Variants in LYN observed in about 807,000 individuals in gnomAD.
The protein encoded by LYN is tyrosine-protein kinase Lyn.
In LYN, 12 loss-of-function variants were observed where a neutral mutation model predicts 65.0. The observed-to-expected ratio is 0.18, with a 90% CI of 0.12 to 0.30. LYN has a LOEUF of 0.30. LYN is among the 10% of genes least tolerant of loss of function. The pLI, the probability that LYN is intolerant of heterozygous loss-of-function variation, is 1.00. For synonymous variants in LYN, 222 were observed against 221.2 expected (o/e 1.00, Z -0.03); for missense variants, 380 against 623.2 (o/e 0.61, Z 4.16).
At chr8:55,929,592 CT>C (rs374086130) in intron 1 of LYN, among the ~76,000 whole-genome samples, 3 of 152,256 alleles carry the variant, frequency 2.0e-5, no homozygotes, top group Non-Finnish European at 4.4e-5. Flanking sequence ...ATCAGATTTC[CT>C]GGCATGAAGC....
At chr8:55,951,364 T>A (rs1462016518) in intron 6 of LYN, among the ~76,000 whole-genome samples, 1 of 151,818 alleles carries the variant, frequency 6.6e-6, no homozygotes, top group East Asian at 1.9e-4. Context: ...AATCCTGAAG[T>A]TTTAAGACAA....
At chr8:55,944,957 C>A (rs909515420) in intron 2 of LYN, among the ~76,000 whole-genome samples, 1 of 152,296 alleles carries the variant, frequency 6.6e-6, no homozygotes, top group Admixed American at 6.5e-5. Context: ...CTCCTGTATA[C>A]CATTTTTTGC....
intron 1 of LYN, among the ~76,000 whole-genome samples, chr8:55,886,368 T>G (rs1804794464): frequency 6.6e-6 from 1 of 151,642 alleles, no homozygotes; most frequent in African/African-American, 2.4e-5. Flanking sequence ...GCCTCCCGAG[T>G]AGCTGGGATT....
chr8:55,951,174 G>A (rs1303964786), intron 6 of LYN, among the ~76,000 whole-genome samples: 7 of 152,032 alleles, frequency 4.6e-5, no homozygotes, highest in African/African-American at 1.7e-4. Context: ...ACCCAGGGAA[G>A]GGAGGCTGCA....
chr8:56,007,653 G>A (rs1046338800), intron 12 of LYN, among the ~76,000 whole-genome samples: 3 of 152,134 alleles, frequency 2.0e-5, no homozygotes, highest in Non-Finnish European at 2.9e-5. Flanking sequence ...GATGAAAAAA[G>A]GTAAGTTAAA....
chr8:55,888,399 C>T (rs183064917), intron 1 of LYN, among the ~76,000 whole-genome samples: 25 of 152,240 alleles, frequency 1.6e-4, no homozygotes, highest in African/African-American at 5.5e-4. Flanking sequence ...ATGGCATTAA[C>T]GAAGGGGAAT....
At chr8:55,993,763 A>C (rs1480128634) in intron 10 of LYN, among the ~76,000 whole-genome samples, 1 of 152,196 alleles carries the variant, frequency 6.6e-6, no homozygotes, top group African/African-American at 2.4e-5. Flanking sequence ...CTACCCACCT[A>C]CCTATCATCA....
chr8:55,899,292 ATAT>A (rs1805196601), intron 1 of LYN, among the ~76,000 whole-genome samples: 1 of 152,190 alleles, frequency 6.6e-6, no homozygotes, highest in South Asian at 2.1e-4. Flanking sequence ...GGGATAATAA[ATAT>A]TATGCTCACT....
At chr8:55,927,260 G>A (rs929388870) in intron 1 of LYN, among the ~76,000 whole-genome samples, 1 of 151,954 alleles carries the variant, frequency 6.6e-6, no homozygotes, top group Non-Finnish European at 1.5e-5. Flanking sequence ...CTCTATTCCC[G>A]AAACCTCTGG....
intron 10 of LYN, among the ~76,000 whole-genome samples, chr8:55,980,893 T>A (rs1006093865): frequency 6.6e-6 from 1 of 152,228 alleles, no homozygotes; most frequent in African/African-American, 2.4e-5. Context: ...AACTCTTTCA[T>A]CTTCCCAGAC....
At chr8:55,907,125 A>G (rs764255244) in intron 1 of LYN, among the ~76,000 whole-genome samples, 9 of 152,138 alleles carry the variant, frequency 5.9e-5, no homozygotes, top group South Asian at 2.1e-4. Context: ...ACAAAAAGAC[A>G]TGTCCAGTTC....
chr8:55,920,690 A>G (rs1805920804), intron 1 of LYN, among the ~76,000 whole-genome samples: 1 of 151,672 alleles, frequency 6.6e-6, no homozygotes, highest in Non-Finnish European at 1.5e-5. Flanking sequence ...TTTTTTTTTG[A>G]GACAGTATCT....
At chr8:55,960,572 T>C (rs530440962) in intron 8 of LYN, among the ~76,000 whole-genome samples, 1 of 152,314 alleles carries the variant, frequency 6.6e-6, no homozygotes, top group Non-Finnish European at 1.5e-5. Context: ...TGATTTTATG[T>C]TACAAATAGA....
intron 1 of LYN, among the ~76,000 whole-genome samples, chr8:55,898,301 T>C (rs1381201233): frequency 1.3e-5 from 2 of 152,208 alleles, no homozygotes; most frequent in East Asian, 3.8e-4. Context: ...CTTTTAATTT[T>C]GTTTTGAGAC....
At chr8:55,990,020 C>G (rs1376091608) in intron 10 of LYN, among the ~76,000 whole-genome samples, 1 of 151,986 alleles carries the variant, frequency 6.6e-6, no homozygotes, top group African/African-American at 2.4e-5. Context: ...GGGTGGATCA[C>G]CTGAGGTCAG....
At chr8:55,985,954 C>T (rs1264748098) in intron 10 of LYN, among the ~76,000 whole-genome samples, 2 of 152,086 alleles carry the variant, frequency 1.3e-5, no homozygotes, top group African/African-American at 4.8e-5. Flanking sequence ...ATCAGTTGAA[C>T]CCAGGAGTTC....
intron 10 of LYN, among the ~76,000 whole-genome samples, chr8:55,976,920 C>T (rs1019792001): frequency 1.3e-5 from 2 of 152,134 alleles, no homozygotes; most frequent in African/African-American, 4.8e-5. Context: ...CACAGTGGCT[C>T]ATGGCTGTAA....
chr8:55,898,885 C>T (rs938412450), intron 1 of LYN, among the ~76,000 whole-genome samples: 1 of 152,146 alleles, frequency 6.6e-6, no homozygotes, highest in Non-Finnish European at 1.5e-5. Flanking sequence ...AGTGCAGTGG[C>T]ACAATCACGA....
intron 1 of LYN, among the ~76,000 whole-genome samples, chr8:55,887,581 C>T (rs1474049410): frequency 1.9e-5 from 2 of 105,782 alleles, no homozygotes; most frequent in African/African-American, 7.2e-5. Context: ...TATATACACA[C>T]ACACACACAC....
Sources: allele counts gnomAD v4.1 joint callset (sites outside exome capture counted in the v4.1 genomes callset), GRCh38; gene constraint gnomAD v4.1.1; transcripts MANE v1.5; gene names NCBI Gene and HGNC (gene_info 2026-07-23, HGNC 2026-07-21).